SCTR: variants seen among roughly 807,000 people sequenced by gnomAD.
The protein encoded by SCTR is pancreatic secretin receptor.
In SCTR, 56 loss-of-function variants were observed where a neutral mutation model predicts 60.8. The observed-to-expected ratio is 0.92, with a 90% confidence interval of 0.74 to 1.15. The LOEUF (loss-of-function observed/expected upper bound fraction) is 1.15. Among genes scored for constraint, SCTR ranks in the 50% most tolerant of loss-of-function variants. SCTR has a pLI of 0.00. For missense variants in SCTR, 562 were observed against 550.4 expected, an observed-to-expected ratio of 1.02 and a Z score of -0.21; for synonymous variants, 202 against 217.0, an observed-to-expected ratio of 0.93 and a Z score of 0.61.
chr2:119,523,853 G>A (rs1679368563), intron 1 of SCTR, among the ~76,000 whole-genome samples: 1 of 152,288 alleles, frequency 6.6e-6, no homozygotes, highest in African/African-American at 2.4e-5. Context: ...GCCACGGGCG[G>A]CTCCAGAATT....
At chr2:119,506,825 G>A (rs1482882661) in intron 1 of SCTR, among the ~76,000 whole-genome samples, 1 of 152,116 alleles carries the variant, frequency 6.6e-6, no homozygotes, top group Non-Finnish European at 1.5e-5. Context: ...GAAGAGATGC[G>A]TGTTGTCAGG....
intron 1 of SCTR, among the ~76,000 whole-genome samples, chr2:119,510,385 T>C (rs548692894): frequency 3.6e-4 from 55 of 152,256 alleles, no homozygotes; most frequent in Non-Finnish European, 7.1e-4. Flanking sequence ...TGAGTCCATG[T>C]TTCCAGGTGG....
intron 6 of SCTR, among the ~76,000 whole-genome samples, chr2:119,463,734 G>A (rs1283119992): frequency 6.6e-6 from 1 of 152,132 alleles, no homozygotes; most frequent in Non-Finnish European, 1.5e-5. Context: ...CAGACATACT[G>A]GCCCATGCTC....
At chr2:119,481,963 C>T (rs1677629058) in intron 2 of SCTR, among the ~76,000 whole-genome samples, 1 of 152,196 alleles carries the variant, frequency 6.6e-6, no homozygotes, top group African/African-American at 2.4e-5. Context: ...CTCCTGTAAT[C>T]CCATGGCGGT....
chr2:119,472,122 T>C (rs1282064369), intron 4 of SCTR, among the ~76,000 whole-genome samples: 2 of 152,104 alleles, frequency 1.3e-5, no homozygotes, highest in Non-Finnish European at 2.9e-5. Context: ...CAGTGAGTGT[T>C]TGTGGAGTGA....
chr2:119,467,426 A>G (rs1215844062), intron 4 of SCTR, among the ~76,000 whole-genome samples: 1 of 152,176 alleles, frequency 6.6e-6, no homozygotes, highest in Non-Finnish European at 1.5e-5. Context: ...ATAAAGTATC[A>G]AAAAGAATCA....
rs180823745 is a variant in SCTR, at chr2:119,446,499, T to C, written c.1140+260A>G. On this transcript the variant is annotated intron_variant, in intron 11 of 12. Transcript: ENST00000019103. Reference sequence around the variant, plus strand: ...TGTTATTGAGAGTTGTACAATATAGTGTACTGGGGCTACTTTTCCTTTTTA... The same window carrying C: ...TGTTATTGAGAGTTGTACAATATAGCGTACTGGGGCTACTTTTCCTTTTTA... Among the ~76,000 whole-genome samples the C allele has an allele frequency of 5.4e-4, 82 of 152,320 alleles. 1 individual carries two copies. In the East Asian group the frequency reaches 0.014, roughly 25 times the overall value.
intron 2 of SCTR, chr2:119,480,727 G>A (rs1382947010): frequency 2.0e-5 from 3 of 152,250 alleles, no homozygotes; most frequent in Non-Finnish European, 4.4e-5. Flanking sequence ...GCCACACAGG[G>A]AAACTGCTTC....
At chr2:119,456,929 C>A (rs1004602973) in intron 7 of SCTR, among the ~76,000 whole-genome samples, 3 of 152,126 alleles carry the variant, frequency 2.0e-5, no homozygotes, top group African/African-American at 7.2e-5. Context: ...TGCCAGCCAC[C>A]ACCAGAAGGT....
intron 7 of SCTR, among the ~76,000 whole-genome samples, chr2:119,454,474 G>A (rs1573808573): frequency 6.6e-6 from 1 of 152,172 alleles, no homozygotes; most frequent in Non-Finnish European, 1.5e-5. Context: ...TGGCTCTTGA[G>A]CACCTGGTAT....
At chr2:119,492,087 C>T (rs1223583300) in intron 2 of SCTR, among the ~76,000 whole-genome samples, 2 of 152,156 alleles carry the variant, frequency 1.3e-5, no homozygotes, top group East Asian at 3.9e-4. Context: ...TCTCATCCTT[C>T]CTTCTAGTGA....
At chr2:119,471,246 A>G (rs897594365) in intron 4 of SCTR, among the ~76,000 whole-genome samples, 1 of 152,200 alleles carries the variant, frequency 6.6e-6, no homozygotes, top group African/African-American at 2.4e-5. Flanking sequence ...CCGGCCACCC[A>G]TCATGATATT....
At chr2:119,461,438 G>A (rs1297854100) in intron 7 of SCTR, among the ~76,000 whole-genome samples, 3 of 152,224 alleles carry the variant, frequency 2.0e-5, no homozygotes, top group African/African-American at 4.8e-5. Flanking sequence ...TTAGCTGGAT[G>A]CGGTGGCTCA....
chr2:119,505,246 C>T (rs897222193), intron 1 of SCTR, among the ~76,000 whole-genome samples: 4 of 142,846 alleles, frequency 2.8e-5, no homozygotes, highest in East Asian at 2.1e-4. Context: ...TTTATTGCAG[C>T]GCTATTCACA....
intron 2 of SCTR, chr2:119,479,274 T>TA: frequency 2.0e-6 from 2 of 1,020,772 alleles, no homozygotes; most frequent in Non-Finnish European, 2.3e-6. Context: ...ATTAAACAAC[T>TA]AAGCAGCAAT....
intron 11 of SCTR, 103 bp from the exon 12 acceptor site, chr2:119,441,702 C>T (rs1682663046): frequency 2.1e-6 from 2 of 971,010 alleles, no homozygotes; most frequent in Non-Finnish European, 1.6e-6. Flanking sequence ...TCACCAGCTA[C>T]AGGCTCATTT....
chr2:119,522,142 A>G (rs1003485569), intron 1 of SCTR, among the ~76,000 whole-genome samples: 1 of 152,114 alleles, frequency 6.6e-6, no homozygotes, highest in African/African-American at 2.4e-5. Flanking sequence ...TAAAAATACA[A>G]AAAATTGGCC....
In SCTR at chr2:119,444,446, T is replaced by TACGTATATATATACACATATAC. The variant is rs1682816305; in HGVS notation, c.1140+2312_1140+2313insGTATATGTGTATATATATACGT. Among the ~76,000 whole-genome samples the TACGTATATATATACACATATAC allele has an allele frequency of 2.6e-5, 3 of 113,494 alleles. 1 individual carries two copies. Among genetic ancestry groups the TACGTATATATATACACATATAC allele is most frequent in the African/African-American group, 1.2e-4 (3 of 24,096 alleles). 74.5% of individuals were successfully genotyped at this position (113,494 alleles called of 152,430 possible). A position where few individuals can be genotyped will look rare whatever the true frequency, so the allele number is the denominator to read the frequency against. The stretch of plus-strand genomic sequence containing the variant: ...ATACGTATGAATATACACATATATA[T>TACGTATATATATACACATATAC]ACGTACGTATATATATACACATATA... On this transcript the variant is annotated intron_variant, in intron 11 of 12. Transcript: ENST00000019103.
chr2:119,450,058 GAAA>G (rs756658188), intron 9 of SCTR, among the ~76,000 whole-genome samples: 1 of 120,498 alleles, frequency 8.3e-6, no homozygotes, highest in East Asian at 2.1e-4. Flanking sequence ...AAAAAAGAAA[GAAA>G]AAGAAAGAAA....
Sources: allele counts gnomAD v4.1 joint callset (sites outside exome capture counted in the v4.1 genomes callset), GRCh38; gene constraint gnomAD v4.1.1; transcripts MANE v1.5; gene names NCBI Gene and HGNC (gene_info 2026-07-23, HGNC 2026-07-21).